Variants in DNAH11 observed in about 807,000 individuals in gnomAD.
DNAH11 encodes the protein dynein axonemal heavy chain 11.
DNAH11 carries 442 observed loss-of-function variants against 526.0 expected under a neutral mutation model. The observed-to-expected ratio is 0.84, with a 90% CI of 0.78 to 0.91. The LOEUF (loss-of-function observed/expected upper bound fraction) is 0.91, where lower values mean the gene tolerates loss of function less well. Among genes scored for constraint, DNAH11 ranks in the 40% least tolerant of loss-of-function variants. DNAH11 has a pLI of 0.00. For missense variants in DNAH11, 6,989 were observed against 5,448.7 expected, an observed-to-expected ratio of 1.28 and a Z score of -8.90; for synonymous variants, 2,461 against 1,935.9, an observed-to-expected ratio of 1.27 and a Z score of -7.12.
intron 25 of DNAH11, among the ~76,000 whole-genome samples, chr7:21,626,971 C>T (rs376531929): frequency 4.6e-5 from 7 of 151,960 alleles, no homozygotes; most frequent in Admixed American, 2.6e-4. Context: ...AGGATGGTCT[C>T]GATCTCCTGA....
rs746418961 is a variant in DNAH11, at chr7:21,591,165, T to G, written c.2275-20T>G. ...GCTAACATATTTGGCACTTTTTGTT[T>G]TGGGGTTTTCTTTGCTCAGTACATT... On this transcript the variant is annotated intron_variant, in intron 13 of 81. Coordinates refer to ENST00000409508, the MANE Select transcript of DNAH11 (RefSeq NM_001277115.2). 7.2e-6 allele frequency: 11 copies of G among 1,521,032 alleles called. No individual in the cohort carries two copies. In the South Asian group the frequency reaches 1.4e-4, roughly 20 times the overall value. The allele number at this position is 1,521,032 out of a possible 1,614,324, so 94.2% of individuals were successfully genotyped here. A position where few individuals can be genotyped will look rare whatever the true frequency, so the allele number is the denominator to read the frequency against.
At chr7:21,686,823 G>A (rs1783395879) in intron 32 of DNAH11, among the ~76,000 whole-genome samples, 1 of 152,026 alleles carries the variant, frequency 6.6e-6, no homozygotes, top group Non-Finnish European at 1.5e-5. Context: ...TACAAATCAA[G>A]TGTTATTTGT....
At chr7:21,559,859 G>C in intron 4 of DNAH11, 67 bp downstream of exon 4, 1 of 1,320,998 alleles carries the variant, frequency 7.6e-7, no homozygotes, top group Non-Finnish European at 1.0e-6. Flanking sequence ...ATGACCAATA[G>C]TTTTAAAGAT....
chr7:21,712,084 T>A (rs1401249337), intron 42 of DNAH11, among the ~76,000 whole-genome samples: 1 of 152,154 alleles, frequency 6.6e-6, no homozygotes, highest in Non-Finnish European at 1.5e-5. Flanking sequence ...ACTTTCTATC[T>A]CTATGAATTA....
intron 62 of DNAH11, among the ~76,000 whole-genome samples, chr7:21,804,243 G>A (rs990842513): frequency 6.6e-6 from 1 of 151,994 alleles, no homozygotes; most frequent in Non-Finnish European, 1.5e-5. Context: ...CGAGTACCTG[G>A]GACTACAGGT....
At chr7:21,739,837 T>G (rs562585164) in intron 48 of DNAH11, among the ~76,000 whole-genome samples, 164 bp downstream of exon 48, 1 of 152,358 alleles carries the variant, frequency 6.6e-6, no homozygotes, top group South Asian at 2.1e-4. Context: ...TAAGCCTTTT[T>G]GTTTTAATTG....
intron 65 of DNAH11, among the ~76,000 whole-genome samples, chr7:21,819,331 C>G (rs774502866): frequency 1.3e-5 from 2 of 152,124 alleles, no homozygotes; most frequent in Non-Finnish European, 1.5e-5. Context: ...TTCTTGGTCT[C>G]TAACTGATTA....
In DNAH11 at chr7:21,796,893, AT is replaced by A. The variant is rs965567571; in HGVS notation, c.10027-4237del. ...AGAGGATCAATAACTGTTAGTTGTTATTTTTTTATTTTATTTTTTTTACAAA... is the reference window on the plus strand; with the variant it reads ...AGAGGATCAATAACTGTTAGTTGTTATTTTTTATTTTATTTTTTTTACAAA... On this transcript the variant is annotated intron_variant, in intron 61 of 81. Coordinates refer to ENST00000409508, the MANE Select transcript of DNAH11 (RefSeq NM_001277115.2). Among the ~76,000 whole-genome samples the A allele has an allele frequency of 8.9e-4, 136 of 152,136 alleles. 1 individual carries two copies. The highest frequency in any genetic ancestry group is 3.1e-3 in the African/African-American group (128 of 41,440).
intron 26 of DNAH11, 46 bp downstream of exon 26, chr7:21,636,141 A>G (rs1395757546): frequency 4.7e-6 from 7 of 1,481,432 alleles, no homozygotes; most frequent in Middle Eastern, 1.8e-4. Context: ...AGTTTTGTAA[A>G]GTAACATGGT....
At chr7:21,835,391 A>G (rs563582364) in intron 65 of DNAH11, among the ~76,000 whole-genome samples, 1 of 152,302 alleles carries the variant, frequency 6.6e-6, no homozygotes, top group African/African-American at 2.4e-5. Flanking sequence ...AAAATTCAAC[A>G]GCACATTAAA....
chr7:21,800,326 C>T (rs748726972), intron 61 of DNAH11, among the ~76,000 whole-genome samples: 5 of 152,122 alleles, frequency 3.3e-5, no homozygotes, highest in African/African-American at 7.2e-5. Context: ...GTTTCAGTCC[C>T]TACGTCCAGA....
chr7:21,794,317 T>C (rs895621184), intron 61 of DNAH11, among the ~76,000 whole-genome samples: 6 of 152,214 alleles, frequency 3.9e-5, no homozygotes, highest in Admixed American at 2.0e-4. Flanking sequence ...GTGGATATAC[T>C]TCTATGGCTT....
rs541718577 is a variant in DNAH11 at position 21,900,644 on chromosome 7, C to CACAAGTTCT, written c.13304-362_13304-354dup. ...TCCTTTTTCAGTTTAAAGCAAGTGC[C>CACAAGTTCT]ACAAGTTCTGGTGTAAAAGAATAAG... On this transcript the variant is annotated intron_variant, in intron 81 of 81. Coordinates refer to ENST00000409508, the MANE Select transcript of DNAH11 (RefSeq NM_001277115.2). Among the ~76,000 whole-genome samples, 11 of 152,212 alleles carry CACAAGTTCT rather than the reference C, an allele frequency of 7.2e-5. No individual in the cohort carries two copies. The South Asian group carries it at 1.5e-3, about 20-fold the overall frequency.
intron 66 of DNAH11, among the ~76,000 whole-genome samples, chr7:21,850,879 C>T (rs1782606795): frequency 6.6e-6 from 1 of 152,136 alleles, no homozygotes; most frequent in African/African-American, 2.4e-5. Context: ...TTGCAAATCT[C>T]TCAGTTATAA....
At chr7:21,790,218 G>A (rs566004640) in intron 61 of DNAH11, among the ~76,000 whole-genome samples, 97 of 152,132 alleles carry the variant, frequency 6.4e-4, no homozygotes, top group Non-Finnish European at 1.2e-3. Context: ...AGGCCAAGGC[G>A]GGCAGATCAC....
chr7:21,725,961 A>G lies in DNAH11; in HGVS notation c.7417A>G (p.Met2473Val), dbSNP rs553404548. The G allele has an allele frequency of 5.8e-5, 90 of 1,554,494 alleles. 2 individuals carry two copies. In the South Asian group the frequency reaches 8.5e-4, roughly 15 times the overall value. The change falls in exon 45 of 82, where the codon ATG becomes GTG. Residue 2473 changes from methionine (M) to valine (V), a missense_variant. Coordinates refer to ENST00000409508, the MANE Select transcript of DNAH11 (RefSeq NM_001277115.2). ...GGCTGACAAAATTGCCCAGTTTACT[A>G]TGGATCCAGATGTGCCTCTGCAGGT... ...PWADKIAQFT[M>V]DPDVPLQTVL... is the part of the protein sequence containing the mutation.
intron 68 of DNAH11, among the ~76,000 whole-genome samples, chr7:21,856,599 T>C (rs1379013427): frequency 1.3e-5 from 2 of 152,164 alleles, no homozygotes; most frequent in Admixed American, 6.5e-5. Flanking sequence ...TGTTGGCAAA[T>C]TGAATCCAAC....
At chr7:21,543,930 C>T (rs1373782066) in intron 1 of DNAH11, 13 of 358,860 alleles carry the variant, frequency 3.6e-5, no homozygotes, top group Non-Finnish European at 6.0e-5. Context: ...AAAAAACTTG[C>T]GTTTCAGTTG....
intron 8 of DNAH11, among the ~76,000 whole-genome samples, chr7:21,574,820 C>T (rs2128438375): frequency 6.7e-6 from 1 of 149,870 alleles, no homozygotes; most frequent in South Asian, 2.1e-4. Context: ...CCCTCCTTGG[C>T]CTCCCAAAGT....
Sources: allele counts gnomAD v4.1 joint callset (sites outside exome capture counted in the v4.1 genomes callset), GRCh38; gene constraint gnomAD v4.1.1; transcripts MANE v1.5; gene names NCBI Gene and HGNC (gene_info 2026-07-23, HGNC 2026-07-21).